XPNPEP3: variants seen among roughly 807,000 people sequenced by gnomAD.
The protein encoded by XPNPEP3 is xaa-Pro aminopeptidase 3.
A neutral mutation model predicts 60.0 loss-of-function variants in XPNPEP3; 41 were observed. The observed-to-expected ratio is 0.68, with a 90% CI of 0.53 to 0.89. The LOEUF is 0.89. Among genes scored for constraint, XPNPEP3 ranks in the 40% least tolerant of loss-of-function variants. The pLI is 0.00. For synonymous variants in XPNPEP3, 212 were observed against 223.2 expected, an observed-to-expected ratio of 0.95 and a Z score of 0.45; for missense variants, 598 against 638.9, an observed-to-expected ratio of 0.94 and a Z score of 0.69.
intron 4 of XPNPEP3, among the ~76,000 whole-genome samples, chr22:40,906,517 C>T (rs1467957460): frequency 6.6e-6 from 1 of 151,836 alleles, no homozygotes; most frequent in Admixed American, 6.6e-5. Context: ...AGTGGGAGAG[C>T]AGTGTTGTCC....
chr22:40,916,093 G>C (rs1307290518), intron 7 of XPNPEP3, among the ~76,000 whole-genome samples: 1 of 152,060 alleles, frequency 6.6e-6, no homozygotes, highest in Non-Finnish European at 1.5e-5. Flanking sequence ...AGGAGTTCAA[G>C]ACCAGCCTGG....
At position 40,893,505 on chromosome 22, in the gene XPNPEP3, CAAAAAAA is replaced by C. The variant is rs764114832; in HGVS notation, c.792+7007_792+7013del. Among the ~76,000 whole-genome samples, 22 of 40,254 alleles carry C rather than the reference CAAAAAAA, an allele frequency of 5.5e-4. No homozygotes were observed. In the South Asian group the frequency reaches 0.018, roughly 33 times the overall value. The allele number at this position is 40,254 out of a possible 152,430, so 26.4% of individuals were successfully genotyped here. On this transcript the variant is annotated intron_variant, in intron 4 of 9. Transcript: ENST00000357137. ...GGGCAATAAGAGTGAAACTCTATCT[CAAAAAAA>C]AAAAAAAAAAAAAAAAGATGCATCC... is the stretch of plus-strand genomic sequence containing the variant.
intron 6 of XPNPEP3, among the ~76,000 whole-genome samples, chr22:40,913,648 T>C (rs556571190): frequency 2.3e-3 from 344 of 152,148 alleles, no homozygotes; most frequent in Non-Finnish European, 4.1e-3. Context: ...TTACACCTAG[T>C]AATTCAGTCC....
chr22:40,906,804 A>T (rs1395643717), intron 4 of XPNPEP3, among the ~76,000 whole-genome samples: 1 of 152,252 alleles, frequency 6.6e-6, no homozygotes, highest in African/African-American at 2.4e-5. Flanking sequence ...AGCAATAGAA[A>T]TGTATTTCCT....
rs1569035106 is a variant in XPNPEP3 at position 40,927,892 on chromosome 22, A to T, written c.*1457A>T. ...TCCGTCTCAAAAAAAAAAAAAAAAA[A>T]GAAAAAAAAAAGAAAGATTTCTTTC... On this transcript the variant is annotated 3_prime_UTR_variant, in exon 10 of 10. Coordinates refer to ENST00000357137, the MANE Select transcript of XPNPEP3 (RefSeq NM_022098.4). 6.6e-6 allele frequency: 1 copy of T among 151,460 alleles called. No individual in the cohort carries two copies. The allele number at this position is 151,460 out of a possible 1,614,324, so 9.4% of individuals were successfully genotyped here. A position where few individuals can be genotyped will look rare whatever the true frequency, so the allele number is the denominator to read the frequency against.
intron 2 of XPNPEP3, among the ~76,000 whole-genome samples, chr22:40,878,732 G>A (rs1440700488): frequency 6.6e-6 from 1 of 151,854 alleles, no homozygotes; most frequent in Admixed American, 6.6e-5. Flanking sequence ...GACTACAGGT[G>A]TGCGCCACCA....
chr22:40,923,484 C>T (rs1261134294), intron 8 of XPNPEP3, among the ~76,000 whole-genome samples: 1 of 151,962 alleles, frequency 6.6e-6, no homozygotes, highest in Non-Finnish European at 1.5e-5. Context: ...CCTTCTAGGA[C>T]TTCTGTTATC....
At chr22:40,892,023 T>G (rs5758118) in intron 4 of XPNPEP3, among the ~76,000 whole-genome samples, 151,385 of 152,250 alleles carry the variant, frequency 0.99, 75,264 homozygotes, top group East Asian at 1. Flanking sequence ...GCTTATTCCT[T>G]TTGTTGGGTT....
At chr22:40,862,191 A>AAAC in intron 1 of XPNPEP3, 1 of 1,385,392 alleles carries the variant, frequency 7.2e-7, no homozygotes. Context: ...TATGTCAGAG[A>AAAC]GGGCTGCATT....
In XPNPEP3 at chr22:40,889,770, A is replaced by G. The variant is rs987762444; in HGVS notation, c.792+3255A>G. Among the ~76,000 whole-genome samples, 5 of 152,328 alleles carry G rather than the reference A, an allele frequency of 3.3e-5. No homozygotes were observed. In the East Asian group the frequency reaches 9.7e-4, roughly 29 times the overall value. On this transcript the variant is annotated intron_variant, in intron 4 of 9. Coordinates refer to ENST00000357137, the MANE Select transcript of XPNPEP3 (RefSeq NM_022098.4). ...CTTGAGCCCAAAAGTTTAAGGTTAC[A>G]GTGAAGTATTATCACATCACTGCAC...
intron 4 of XPNPEP3, among the ~76,000 whole-genome samples, chr22:40,894,821 A>G (rs1034213970): frequency 6.6e-6 from 1 of 152,148 alleles, no homozygotes; most frequent in African/African-American, 2.4e-5. Flanking sequence ...TAGAATTTTC[A>G]TAGAGATTTC....
chr22:40,886,525 C>T lies in XPNPEP3; in HGVS notation c.792+10C>T, dbSNP rs759488832. The T allele has an allele frequency of 6.8e-6, 11 of 1,613,218 alleles. No individual in the cohort carries two copies. The South Asian group carries it at 9.9e-5, about 14-fold the overall frequency. On this transcript the variant is annotated intron_variant, in intron 4 of 9. Coordinates refer to ENST00000357137, the MANE Select transcript of XPNPEP3 (RefSeq NM_022098.4). ...GAAGCTGACATCACAGGTATGATTCCTATTGAAAAGTTTTTTCCAGCCGGG... is the reference window on the plus strand; with the variant it reads ...GAAGCTGACATCACAGGTATGATTCTTATTGAAAAGTTTTTTCCAGCCGGG...
At chr22:40,884,501 T>G (rs2058060848) in intron 3 of XPNPEP3, among the ~76,000 whole-genome samples, 2 of 151,176 alleles carry the variant, frequency 1.3e-5, no homozygotes, top group Non-Finnish European at 2.9e-5. Flanking sequence ...GGGGAATTTT[T>G]CTGTTTTTTT....
At chr22:40,861,266 T>C in intron 1 of XPNPEP3, 2 of 1,614,208 alleles carry the variant, frequency 1.2e-6, no homozygotes, top group Non-Finnish European at 1.7e-6. Flanking sequence ...AGTTGTTGAA[T>C]GACTGTGTTC....
chr22:40,874,187 A>G (rs1279257693), intron 2 of XPNPEP3, among the ~76,000 whole-genome samples: 2 of 152,152 alleles, frequency 1.3e-5, no homozygotes, highest in Non-Finnish European at 2.9e-5. Context: ...TGAGACCAGG[A>G]GGTCAAGGCC....
At chr22:40,905,499 C>T (rs916036909) in intron 4 of XPNPEP3, among the ~76,000 whole-genome samples, 5 of 152,178 alleles carry the variant, frequency 3.3e-5, no homozygotes, top group Non-Finnish European at 7.3e-5. Context: ...TCCATGCTCA[C>T]TCTTCACAGT....
intron 2 of XPNPEP3, among the ~76,000 whole-genome samples, chr22:40,870,968 G>C (rs144698978): frequency 0.011 from 1,674 of 152,190 alleles, 29 homozygotes; most frequent in African/African-American, 0.039. Flanking sequence ...GGCGGAGGTT[G>C]CAGTGAGCCA....
At chr22:40,880,807 AT>A (rs1267116449) in intron 2 of XPNPEP3, among the ~76,000 whole-genome samples, 11 of 150,302 alleles carry the variant, frequency 7.3e-5, no homozygotes, top group Admixed American at 2.0e-4. Context: ...AAAAAAAACC[AT>A]TGGCCAAGTC....
chr22:40,908,755 G>C (rs534220479), intron 5 of XPNPEP3, among the ~76,000 whole-genome samples: 15 of 152,246 alleles, frequency 9.9e-5, no homozygotes, highest in African/African-American at 3.4e-4. Context: ...TAAACAAATA[G>C]TAACCCTTAC....
Sources: allele counts gnomAD v4.1 joint callset (sites outside exome capture counted in the v4.1 genomes callset), GRCh38; gene constraint gnomAD v4.1.1; transcripts MANE v1.5; gene names NCBI Gene and HGNC (gene_info 2026-07-23, HGNC 2026-07-21).